Variants in TGFBR1 observed in about 807,000 individuals in gnomAD.
TGFBR1 encodes the protein transforming growth factor beta receptor 1.
TGFBR1 carries 20 observed loss-of-function variants against 55.1 expected under a neutral mutation model. The ratio of observed to expected loss-of-function variants is 0.36; its 90% CI spans 0.26 to 0.53. The LOEUF is 0.53. TGFBR1 is among the 20% of genes least tolerant of loss of function. The pLI, the probability that TGFBR1 is intolerant of heterozygous loss-of-function variation, is 0.91. For synonymous variants in TGFBR1, 220 were observed against 214.8 expected, an observed-to-expected ratio of 1.02 and a Z score of -0.21; for missense variants, 385 against 617.6, an observed-to-expected ratio of 0.62 and a Z score of 3.99.
intron 1 of TGFBR1, chr9:99,128,101 C>T: frequency 2.3e-6 from 1 of 437,508 alleles, no homozygotes; most frequent in Admixed American, 2.5e-5. Context: ...AATTAGAAGG[C>T]TTCCCTAAAG....
At position 99,132,664 on chromosome 9, in the gene TGFBR1, G is replaced by C. The variant is rs756547201; in HGVS notation, c.499G>C (p.Asp167His). The part of the protein sequence containing the change: ...RVPNEEDPSL[D>H]RPFISEGTTL... The stretch of plus-strand genomic sequence containing the variant: ...GCCAAATGAAGAGGACCCTTCATTA[G>C]ATCGCCCTTTTATTTCAGAGGGTAC... The change falls in exon 3 of 9, where the codon GAT (aspartate) becomes CAT (histidine). Residue 167 changes from aspartate to histidine, a missense_variant. Asp to His is a moderately conservative substitution (Grantham distance 81, BLOSUM62 -1). Around this residue, in one of 5 missense-constraint regions of TGFBR1, gnomAD observed 146 missense variants for 167.7 expected, o/e 0.87. Transcript: ENST00000374994. 1.9e-6 allele frequency: 3 copies of C among 1,614,120 alleles called. No homozygotes were observed. The highest frequency in any genetic ancestry group is 2.2e-5 in the South Asian group (2 of 91,074).
At chr9:99,141,615 A>G (rs1827617950) in intron 4 of TGFBR1, among the ~76,000 whole-genome samples, 1 of 152,216 alleles carries the variant, frequency 6.6e-6, no homozygotes, top group Non-Finnish European at 1.5e-5. Flanking sequence ...CGTGGATTCC[A>G]ACCAGGTTAG....
intron 1 of TGFBR1, among the ~76,000 whole-genome samples, chr9:99,112,306 T>C (rs955192849): frequency 1.1e-4 from 16 of 152,172 alleles, no homozygotes; most frequent in Non-Finnish European, 8.8e-5. Flanking sequence ...GCTTGTGTGC[T>C]CTTCCCTCAC....
chr9:99,129,045 T>C lies in TGFBR1; in HGVS notation c.288T>C (p.Thr96=). 1 of 1,614,026 alleles carries C rather than the reference T, an allele frequency of 6.2e-7. No homozygotes were observed. The highest frequency in any genetic ancestry group is 1.1e-5 in the South Asian group (1 of 91,080). Residue 96 remains threonine (T), a synonymous_variant, in exon 2 of 9, where the codon ACT becomes ACC. Coordinates refer to ENST00000374994, the MANE Select transcript of TGFBR1 (RefSeq NM_004612.4). ...CCTCTTCAAAAACTGGGTCTGTGAC[T>C]ACAACATATTGCTGCAATCAGGACC... ...CAPSSKTGSV[T]TTYCCNQDHC...
At chr9:99,122,029 G>A (rs539772140) in intron 1 of TGFBR1, among the ~76,000 whole-genome samples, 13 of 152,192 alleles carry the variant, frequency 8.5e-5, no homozygotes, top group African/African-American at 3.1e-4. Context: ...TAAAGAAAGG[G>A]TGGTACTCTG....
chr9:99,104,236 C>G (rs1416918755), upstream of TGFBR1: 2 of 152,226 alleles, frequency 1.3e-5, no homozygotes, highest in African/African-American at 4.8e-5. Flanking sequence ...ATGACTGCTC[C>G]CCCTCCGCCC....
chr9:99,132,199 A>G (rs1430128125), intron 2 of TGFBR1, among the ~76,000 whole-genome samples: 1 of 152,198 alleles, frequency 6.6e-6, no homozygotes, highest in African/African-American at 2.4e-5. Flanking sequence ...GGTTATTGGT[A>G]TTAGTGACCT....
intron 1 of TGFBR1, among the ~76,000 whole-genome samples, chr9:99,116,379 A>T (rs550918298): frequency 6.6e-6 from 1 of 152,200 alleles, no homozygotes; most frequent in African/African-American, 2.4e-5. Context: ...CATTGCAAAC[A>T]GATGGTGTGT....
intron 4 of TGFBR1, among the ~76,000 whole-genome samples, chr9:99,141,252 T>C (rs1260837644): frequency 6.6e-6 from 1 of 152,230 alleles, no homozygotes; most frequent in Non-Finnish European, 1.5e-5. Flanking sequence ...GGGTGCGAGT[T>C]TGGTCAGAAT....
rs1441759002 is a variant in TGFBR1, at chr9:99,132,881, T to TGGGAA, written c.574+142_574+143insGGGAA. On this transcript the variant is annotated intron_variant, in intron 3 of 8. Transcript: ENST00000374994. ...GCAGGTTTGAACCTAATAAAAATCT[T>TGGGAA]TAAGCTTGATGTATATATGACTGTG... 2.8e-5 allele frequency: 33 copies of TGGGAA among 1,180,680 alleles called. No individual in the cohort carries two copies. In the African/African-American group the frequency reaches 5.1e-4, roughly 18 times the overall value. The allele number at this position is 1,180,680 out of a possible 1,614,324, so 73.1% of individuals were successfully genotyped here.
rs533487999 is a variant in TGFBR1 at position 99,146,875 on chromosome 9, A to G, written c.1255+266A>G. ...GAACCCAACCCCTTGTTATATTGGAATATAGTTCTTTAGAATGGACAGCTG... is the reference window on the plus strand; with the variant it reads ...GAACCCAACCCCTTGTTATATTGGAGTATAGTTCTTTAGAATGGACAGCTG... On this transcript the variant is annotated intron_variant, in intron 7 of 8. Coordinates refer to ENST00000374994, the MANE Select transcript of TGFBR1 (RefSeq NM_004612.4). Among the ~76,000 whole-genome samples, 54 of 152,300 alleles carry G rather than the reference A, an allele frequency of 3.5e-4. 1 individual carries two copies. Among genetic ancestry groups the G allele is most frequent in the African/African-American group, 1.3e-3 (53 of 41,562 alleles).
Position 99,152,753 on chromosome 9 carries a change from T to C in TGFBR1, c.*3448T>C, listed in dbSNP as rs146582850. Reference sequence around the variant, plus strand: ...CCAAATAATGGTTCTGTTAACACTTTGGCAGAAAATGCCAGCTCAGATATT... The same window carrying C: ...CCAAATAATGGTTCTGTTAACACTTCGGCAGAAAATGCCAGCTCAGATATT... On this transcript the variant is annotated 3_prime_UTR_variant, in exon 9 of 9. Transcript: ENST00000374994. 1.9e-3 allele frequency: 440 copies of C among 229,080 alleles called. No individual in the cohort carries two copies. The highest frequency in any genetic ancestry group is 9.2e-3 in the African/African-American group (417 of 45,222). The allele number at this position is 229,080 out of a possible 1,614,324, so 14.2% of individuals were successfully genotyped here.
chr9:99,115,898 T>C (rs1270410117), intron 1 of TGFBR1, among the ~76,000 whole-genome samples: 1 of 152,146 alleles, frequency 6.6e-6, no homozygotes, highest in Non-Finnish European at 1.5e-5. Context: ...AAATTACAAA[T>C]CAGGGGCCAG....
intron 6 of TGFBR1, 122 bp from the exon 7 acceptor site, chr9:99,146,363 A>G (rs1208277180): frequency 4.2e-6 from 5 of 1,178,884 alleles, no homozygotes; most frequent in Non-Finnish European, 6.3e-6. Context: ...TCTTGAGTCT[A>G]ATATTTGTTA....
At chr9:99,121,536 G>C (rs1171646840) in intron 1 of TGFBR1, among the ~76,000 whole-genome samples, 1 of 152,122 alleles carries the variant, frequency 6.6e-6, no homozygotes, top group African/African-American at 2.4e-5. Context: ...AGAAGAACTG[G>C]GGTAGAAGAA....
chr9:99,147,554 A>T, intron 7 of TGFBR1, 100 bp from the exon 8 acceptor site: 1 of 1,112,732 alleles, frequency 9.0e-7, no homozygotes, highest in Non-Finnish European at 1.3e-6. Flanking sequence ...TACCTACTTT[A>T]GTAATGAAAC....
chr9:99,111,295 CTTTTTT>C (rs3034196), intron 1 of TGFBR1, among the ~76,000 whole-genome samples: 34 of 55,142 alleles, frequency 6.2e-4, no homozygotes, highest in African/African-American at 9.2e-4. Flanking sequence ...TGCACCCATG[CTTTTTT>C]TTTTTTTTTT....
intron 4 of TGFBR1, among the ~76,000 whole-genome samples, chr9:99,141,689 T>G (rs1480847933): frequency 5.9e-5 from 9 of 152,224 alleles, no homozygotes; most frequent in Non-Finnish European, 8.8e-5. Flanking sequence ...ATGCTTTTTT[T>G]CTTCATGGCT....
intron 5 of TGFBR1, among the ~76,000 whole-genome samples, chr9:99,142,957 G>C (rs1354962419): frequency 6.6e-6 from 1 of 152,116 alleles, no homozygotes; most frequent in Non-Finnish European, 1.5e-5. Context: ...TACTCAGGGG[G>C]CTGAGGTAGG....
Sources: allele counts gnomAD v4.1 joint callset (sites outside exome capture counted in the v4.1 genomes callset), GRCh38; gene constraint gnomAD v4.1.1; regional missense constraint gnomAD v4.1.1; transcripts MANE v1.5; gene names NCBI Gene and HGNC (gene_info 2026-07-23, HGNC 2026-07-21).